The following ZNF536 variants were observed in gnomAD, a reference collection of about 807,000 sequenced individuals.
ZNF536 encodes zinc finger protein 536.
ZNF536 carries 13 observed loss-of-function variants against 84.5 expected under a neutral mutation model. That is an observed-to-expected ratio of 0.15 (90% CI 0.10 to 0.24). ZNF536 has a LOEUF of 0.24. Among genes scored for constraint, ZNF536 ranks in the 10% least tolerant of loss-of-function variants. The pLI, the probability that ZNF536 is intolerant of heterozygous loss-of-function variation, is 1.00. For missense variants in ZNF536, 1,536 were observed against 1,747.5 expected (o/e 0.88, Z 2.16); for synonymous variants, 811 against 742.5 (o/e 1.09, Z -1.50).
chr19:30,594,873 C>T (rs376933888), intron 1 of ZNF536, among the ~76,000 whole-genome samples: 43 of 152,120 alleles, frequency 2.8e-4, no homozygotes, highest in African/African-American at 7.7e-4. Flanking sequence ...GTGTGGGATT[C>T]GAGGCACCCC....
intron 1 of ZNF536, among the ~76,000 whole-genome samples, chr19:30,427,550 G>A (rs963923238): frequency 7.2e-5 from 11 of 152,162 alleles, no homozygotes; most frequent in Admixed American, 5.2e-4. Context: ...TTGGTTGGCT[G>A]TAGATGTATC....
At position 30,467,377 on chromosome 19, in the gene ZNF536, T is replaced by G. The variant is rs145091527; in HGVS notation, c.2170+21645T>G. Among the ~76,000 whole-genome samples, 463 of 152,348 alleles carry G rather than the reference T, an allele frequency of 3.0e-3. 3 individuals are homozygous for G. The highest frequency in any genetic ancestry group is 6.7e-3 in the Admixed American group (102 of 15,306). ...AGTAGAATCACACAGTAATTGTCCT[T>G]CCATGTCTGGCTTATTTTGCTTAGC... On this transcript the variant is annotated intron_variant, in intron 2 of 4. Coordinates refer to ENST00000355537, the MANE Select transcript of ZNF536 (RefSeq NM_014717.3).
intron 1 of ZNF536, among the ~76,000 whole-genome samples, chr19:30,419,519 A>G (rs2050864645): frequency 6.6e-6 from 1 of 152,152 alleles, no homozygotes; most frequent in Non-Finnish European, 1.5e-5. Context: ...CATCATTACA[A>G]ACACACACAC....
intron 1 of ZNF536, among the ~76,000 whole-genome samples, chr19:30,600,205 GC>G (rs2146920585): frequency 6.6e-6 from 1 of 152,150 alleles, no homozygotes; most frequent in South Asian, 2.1e-4. Context: ...CGATCCTTCT[GC>G]CTTAGCCTCC....
At chr19:30,476,057 G>A (rs1304133133) in intron 2 of ZNF536, among the ~76,000 whole-genome samples, 2 of 152,178 alleles carry the variant, frequency 1.3e-5, no homozygotes, top group African/African-American at 4.8e-5. Context: ...GACTACCAAG[G>A]GCTCGTCTTC....
intron 1 of ZNF536, among the ~76,000 whole-genome samples, chr19:30,418,496 T>G (rs2050824344): frequency 1.3e-5 from 2 of 152,234 alleles, no homozygotes; most frequent in Admixed American, 1.3e-4. Context: ...TTGTAAAATT[T>G]CAAATATCTG....
At chr19:30,556,833 G>A (rs150699850) in intron 4 of ZNF536, 84 of 214,998 alleles carry the variant, frequency 3.9e-4, no homozygotes, top group African/African-American at 3.2e-3. Context: ...CTACTGCTCA[G>A]GACCAAGTCT....
At chr19:30,560,118 C>T (rs1033412328), downstream of ZNF536, among the ~76,000 whole-genome samples, 2 of 151,960 alleles carry the variant, frequency 1.3e-5, no homozygotes, top group Non-Finnish European at 2.9e-5. Flanking sequence ...GGGAATATCC[C>T]GTCTTCTGCC....
chr19:30,273,938 A>G (rs1351277217), intron 1 of ZNF536, among the ~76,000 whole-genome samples: 1 of 152,252 alleles, frequency 6.6e-6, no homozygotes, highest in East Asian at 1.9e-4. Context: ...GAAATGCACC[A>G]AAATATCAAC....
At chr19:30,248,870 C>T (rs138337461) in intron 1 of ZNF536, among the ~76,000 whole-genome samples, 1 of 152,050 alleles carries the variant, frequency 6.6e-6, no homozygotes, top group Admixed American at 6.6e-5. Context: ...AGCACCCCTC[C>T]CCCAGAAGTT....
chr19:30,511,863 A>C (rs542635620), intron 2 of ZNF536, among the ~76,000 whole-genome samples: 1 of 152,330 alleles, frequency 6.6e-6, no homozygotes, highest in African/African-American at 2.4e-5. Context: ...AGAATTAAAC[A>C]AAGCTTTTAG....
chr19:30,283,329 C>A (rs10425280), intron 1 of ZNF536, among the ~76,000 whole-genome samples: 11,315 of 152,210 alleles, frequency 0.074, 1,040 homozygotes, highest in African/African-American at 0.19. Flanking sequence ...TCCTTGATTA[C>A]CCCCTAGCCA....
chr19:30,474,856 T>C (rs76067445), intron 2 of ZNF536, among the ~76,000 whole-genome samples: 1,568 of 152,056 alleles, frequency 0.01, 23 homozygotes, highest in African/African-American at 0.036. Context: ...CTGTGACCTC[T>C]GTCTTTCCTA....
chr19:30,518,912 T>C (rs1303481167), intron 2 of ZNF536, among the ~76,000 whole-genome samples: 2 of 152,092 alleles, frequency 1.3e-5, no homozygotes, highest in Non-Finnish European at 2.9e-5. Context: ...GATTGCAGGC[T>C]GAGGGAAAGA....
At chr19:30,411,002 T>A (rs2050473090) in intron 1 of ZNF536, among the ~76,000 whole-genome samples, 1 of 152,240 alleles carries the variant, frequency 6.6e-6, no homozygotes, top group Non-Finnish European at 1.5e-5. Flanking sequence ...CTCTTAAACT[T>A]GGACAAAATT....
chr19:30,560,359 T>C (rs1034940129), downstream of ZNF536, among the ~76,000 whole-genome samples: 1 of 151,810 alleles, frequency 6.6e-6, no homozygotes, highest in Non-Finnish European at 1.5e-5. Context: ...TACGTGGATA[T>C]ATAACAAGCC....
chr19:30,409,658 A>G (rs1252704809), intron 1 of ZNF536, among the ~76,000 whole-genome samples: 1 of 152,260 alleles, frequency 6.6e-6, no homozygotes, highest in Admixed American at 6.5e-5. Context: ...ATTGCCCTTC[A>G]GGCATGTTAT....
intron 1 of ZNF536, among the ~76,000 whole-genome samples, chr19:30,680,628 A>G (rs1568665384): frequency 6.6e-6 from 1 of 152,138 alleles, no homozygotes; most frequent in Non-Finnish European, 1.5e-5. Context: ...TATATGTGCC[A>G]CATTTTCTTA....
chr19:30,561,934 C>T (rs561090724), downstream of ZNF536, among the ~76,000 whole-genome samples: 8 of 152,250 alleles, frequency 5.3e-5, no homozygotes, highest in Admixed American at 3.9e-4. Flanking sequence ...AGTAGAAAGT[C>T]GCAGACCTAC....
Sources: allele counts gnomAD v4.1 joint callset (sites outside exome capture counted in the v4.1 genomes callset), GRCh38; gene constraint gnomAD v4.1.1; transcripts MANE v1.5; gene names NCBI Gene and HGNC (gene_info 2026-07-23, HGNC 2026-07-21).